BCAS1: variants seen among roughly 807,000 people sequenced by gnomAD.
The protein encoded by BCAS1 is breast carcinoma-amplified sequence 1.
Under a neutral mutation model 65.4 loss-of-function variants are expected in BCAS1, and 46 were observed. The ratio of observed to expected loss-of-function variants is 0.70; its 90% confidence interval spans 0.55 to 0.90. The LOEUF (loss-of-function observed/expected upper bound fraction) is 0.90, where lower values mean the gene tolerates loss of function less well. Ranked by LOEUF, BCAS1 falls within the 40% of genes least tolerant of loss-of-function variation. The pLI is 0.00. For synonymous variants in BCAS1, 298 were observed against 293.5 expected, an observed-to-expected ratio of 1.02 and a Z score of -0.16; for missense variants, 793 against 771.2, an observed-to-expected ratio of 1.03 and a Z score of -0.33.
intron 3 of BCAS1, among the ~76,000 whole-genome samples, chr20:54,052,244 C>T (rs967391367): frequency 3.9e-5 from 6 of 152,290 alleles, no homozygotes; most frequent in East Asian, 3.9e-4. Context: ...TTTCTCGATG[C>T]CCCTCTGCAG....
rs1368114630 is a variant in BCAS1, at chr20:53,995,901, A to G, written c.873T>C (p.Phe291=). The change falls in exon 5 of 13, where the codon TTT becomes TTC. Residue 291 remains phenylalanine, a synonymous_variant. Coordinates refer to ENST00000688948, the MANE Select transcript of BCAS1 (RefSeq NM_001366298.2). The part of the protein sequence containing the change: ...AENNNSIMSF[F]KTLVSPNKAE... ...GGAGAAAACTGCTTACCAGAGTTTT[A>G]AAGAAACTCATGATGGAATTATTAT... 5 of 1,603,258 alleles carry G rather than the reference A, an allele frequency of 3.1e-6. No homozygotes were observed. In the South Asian group the frequency reaches 5.6e-5, roughly 18 times the overall value.
At chr20:54,063,723 C>A (rs2092403041) in intron 1 of BCAS1, among the ~76,000 whole-genome samples, 1 of 151,992 alleles carries the variant, frequency 6.6e-6, no homozygotes, top group Non-Finnish European at 1.5e-5. Flanking sequence ...TTTTTTAAAT[C>A]CCCGTTTAAT....
intron 12 of BCAS1, among the ~76,000 whole-genome samples, chr20:53,947,415 G>A (rs1367340387): frequency 1.3e-5 from 2 of 152,136 alleles, no homozygotes; most frequent in African/African-American, 4.8e-5. Context: ...AGATGACCAG[G>A]ACACCGTGAA....
At chr20:54,039,545 CT>C (rs1568908864) in intron 3 of BCAS1, among the ~76,000 whole-genome samples, 1 of 151,372 alleles carries the variant, frequency 6.6e-6, no homozygotes, top group Non-Finnish European at 1.5e-5. Flanking sequence ...AAGATTTCCA[CT>C]CTTCTCTTTA....
rs6123335 is a variant in BCAS1 at position 53,993,390 on chromosome 20, T to C, written c.928-744A>G. Among the ~76,000 whole-genome samples, 3 of 152,288 alleles carry C rather than the reference T, an allele frequency of 2.0e-5. No individual in the cohort carries two copies. The East Asian group carries it at 5.8e-4, about 29-fold the overall frequency. Reference sequence around the variant, plus strand: ...ACTTCAGTAGAAAAGATATCAAAATTGCAAGGTATGAGAACCAGGTTTGTA... The same window carrying C: ...ACTTCAGTAGAAAAGATATCAAAATCGCAAGGTATGAGAACCAGGTTTGTA... On this transcript the variant is annotated intron_variant, in intron 6 of 12. Coordinates refer to ENST00000688948, the MANE Select transcript of BCAS1 (RefSeq NM_001366298.2).
At chr20:53,973,299 G>C (rs1270858909) in intron 9 of BCAS1, among the ~76,000 whole-genome samples, 3 of 152,048 alleles carry the variant, frequency 2.0e-5, no homozygotes, top group Non-Finnish European at 4.4e-5. Flanking sequence ...TCAAAATGTT[G>C]CTTGCAGTGT....
At chr20:53,989,189 G>T (rs145018452) in intron 7 of BCAS1, among the ~76,000 whole-genome samples, 336 of 152,072 alleles carry the variant, frequency 2.2e-3, no homozygotes, top group South Asian at 0.017. Flanking sequence ...GTATCATGGT[G>T]AGGGCTGATA....
chr20:54,045,955 G>A (rs958308562), intron 3 of BCAS1, among the ~76,000 whole-genome samples: 2 of 152,198 alleles, frequency 1.3e-5, no homozygotes. Context: ...TAGGTTGTTA[G>A]CTTGGGTGTC....
In BCAS1 at chr20:53,953,549, T is replaced by C; in HGVS notation, c.1698A>G (p.Glu566=). ...KQKSNKQEAK[E]PAQCTEQATV... ...TGGCCTGCTCTGTGCACTGGGCTGGTTCTTTGGCTTCCTGCTTGTTGCTCT... is the reference window on the plus strand; with the variant it reads ...TGGCCTGCTCTGTGCACTGGGCTGGCTCTTTGGCTTCCTGCTTGTTGCTCT... Residue 566 remains glutamate (E), a synonymous_variant, in exon 12 of 13, where the codon GAA becomes GAG. Coordinates refer to ENST00000688948, the MANE Select transcript of BCAS1 (RefSeq NM_001366298.2). 1 of 1,613,896 alleles carries C rather than the reference T, an allele frequency of 6.2e-7. No homozygotes were observed. The highest frequency in any genetic ancestry group is 1.3e-5 in the African/African-American group (1 of 74,936).
In BCAS1 at chr20:54,058,733, A is replaced by T. The variant is rs1453860027; in HGVS notation, c.-5-10T>A. On this transcript the variant is annotated splice_polypyrimidine_tract_variant and intron_variant, in intron 1 of 12. Transcript: ENST00000688948. ...TGGTTACCCATTGCTCCTATAATGG[A>T]GAGAAAGAGAGGAAGAGAGAAAGAA... 1 of 1,607,322 alleles carries T rather than the reference A, an allele frequency of 6.2e-7. No homozygotes were observed. Among genetic ancestry groups the T allele is most frequent in the Admixed American group, 1.7e-5 (1 of 58,924 alleles).
intron 12 of BCAS1, among the ~76,000 whole-genome samples, chr20:53,948,522 T>C (rs970641904): frequency 1.1e-4 from 16 of 152,174 alleles, no homozygotes; most frequent in Admixed American, 3.9e-4. Flanking sequence ...CCCCTTTAGG[T>C]GGGCACCTGC....
chr20:53,955,475 A>G (rs1230229109), intron 11 of BCAS1, among the ~76,000 whole-genome samples: 1 of 152,256 alleles, frequency 6.6e-6, no homozygotes, highest in Non-Finnish European at 1.5e-5. Context: ...CAGAGATCCC[A>G]GTTCAAATGC....
chr20:54,016,631 A>G (rs924162736), intron 4 of BCAS1, among the ~76,000 whole-genome samples: 2 of 152,214 alleles, frequency 1.3e-5, no homozygotes, highest in Non-Finnish European at 2.9e-5. Context: ...GGTGGAAACA[A>G]GCTTCTTAGT....
chr20:54,006,328 T>G (rs1600847963), intron 4 of BCAS1, among the ~76,000 whole-genome samples: 1 of 152,194 alleles, frequency 6.6e-6, no homozygotes, highest in East Asian at 1.9e-4. Flanking sequence ...TCTTCCAGAC[T>G]GCAAGGACCT....
chr20:53,997,826 G>A (rs1161400757), intron 4 of BCAS1, among the ~76,000 whole-genome samples: 1 of 152,088 alleles, frequency 6.6e-6, no homozygotes, highest in African/African-American at 2.4e-5. Context: ...GCTTGGTCTG[G>A]AGGTGGGTGG....
Position 53,967,008 on chromosome 20 carries a change from C to T in BCAS1, c.1383G>A (p.Val461=), listed in dbSNP as rs1005527641. Residue 461 remains valine (V), a synonymous_variant, in exon 10 of 13, where the codon GTG becomes GTA. Transcript: ENST00000688948. ...SKEVESALQT[V]DLNEGDAAPE... is the part of the protein sequence containing the mutation. ...GTGCAGCATCTCCTTCGTTGAGGTC[C>T]ACTGTTTGTAAGGCTGATTCTACTT... is the stretch of plus-strand genomic sequence containing the variant. 15 of 1,613,038 alleles carry T rather than the reference C, an allele frequency of 9.3e-6. No homozygotes were observed. The highest frequency in any genetic ancestry group is 2.7e-5 in the African/African-American group (2 of 74,904).
chr20:54,069,224 C>T (rs1290085508), intron 1 of BCAS1, among the ~76,000 whole-genome samples: 1 of 152,092 alleles, frequency 6.6e-6, no homozygotes, highest in Non-Finnish European at 1.5e-5. Flanking sequence ...GAGGCTGAGG[C>T]GGATCAGGCC....
Position 54,058,065 on chromosome 20 carries a change from C to T in BCAS1, c.142+20G>A. On this transcript the variant is annotated intron_variant, in intron 3 of 12. Transcript: ENST00000688948. ...CCTTCCCCACGAGAGGGTAGATGCC[C>T]TTCCCAGAGTAGCACTGACCTTCCT... The T allele has an allele frequency of 1.2e-6, 2 of 1,605,044 alleles. No homozygotes were observed. Among genetic ancestry groups the T allele is most frequent in the Non-Finnish European group, 8.5e-7 (1 of 1,172,608 alleles).
rs201563062 is a variant in BCAS1 at position 54,028,493 on chromosome 20, G to A, written c.622C>T (p.Pro208Ser). 1 of 1,614,058 alleles carries A rather than the reference G, an allele frequency of 6.2e-7. No individual in the cohort carries two copies. Among genetic ancestry groups the A allele is most frequent in the South Asian group, 1.1e-5 (1 of 91,072 alleles). ...FKLDKGQEKVPGDSQQEAKRA... is the reference protein window; with the variant it reads ...FKLDKGQEKVSGDSQQEAKRA... ...TTGGCTTCCTGTTGGCTGTCACCTGGCACCTTTTCCTGTCCCTTGTCCAGC... is the reference window on the plus strand; with the variant it reads ...TTGGCTTCCTGTTGGCTGTCACCTGACACCTTTTCCTGTCCCTTGTCCAGC... The change falls in exon 4 of 13, where the codon CCA becomes TCA. Residue 208 changes from proline (P) to serine (S), a missense_variant. Coordinates refer to ENST00000688948, the MANE Select transcript of BCAS1 (RefSeq NM_001366298.2).
Sources: allele counts gnomAD v4.1 joint callset (sites outside exome capture counted in the v4.1 genomes callset), GRCh38; gene constraint gnomAD v4.1.1; transcripts MANE v1.5; gene names NCBI Gene and HGNC (gene_info 2026-07-23, HGNC 2026-07-21).